The following UVRAG variants were observed in gnomAD, a reference collection of about 807,000 sequenced individuals.
The protein encoded by UVRAG is UV radiation resistance-associated gene protein.
A neutral mutation model predicts 78.0 loss-of-function variants in UVRAG; 19 were observed. That is an observed-to-expected ratio of 0.24 (90% CI 0.17 to 0.36). The LOEUF is 0.36. Among genes scored for constraint, UVRAG ranks in the 10% least tolerant of loss-of-function variants. The pLI is 1.00. For synonymous variants in UVRAG, 323 were observed against 324.6 expected, an observed-to-expected ratio of 1.00 and a Z score of 0.05; for missense variants, 740 against 853.8, an observed-to-expected ratio of 0.87 and a Z score of 1.66.
chr11:75,946,049 A>G (rs1386977722), intron 6 of UVRAG, among the ~76,000 whole-genome samples: 2 of 152,178 alleles, frequency 1.3e-5, no homozygotes, highest in Non-Finnish European at 2.9e-5. Context: ...TTTGAGCATT[A>G]TGAAGATAAT....
intron 1 of UVRAG, among the ~76,000 whole-genome samples, chr11:75,840,262 T>C (rs1274132141): frequency 6.6e-6 from 1 of 152,024 alleles, no homozygotes; most frequent in East Asian, 1.9e-4. Context: ...ACTCTGAAAT[T>C]AGGTAGTAAT....
At position 76,120,021 on chromosome 11, in the gene UVRAG, G is replaced by T. The variant is rs147705078; in HGVS notation, c.1397+4006G>T. Reference sequence around the variant, plus strand: ...TAAGCTCTTTCCTGTCTGAGTGGTTGCACTCACTCTTCCTCTGTGTAGAAT... The same window carrying T: ...TAAGCTCTTTCCTGTCTGAGTGGTTTCACTCACTCTTCCTCTGTGTAGAAT... On this transcript the variant is annotated intron_variant, in intron 14 of 14. Coordinates refer to ENST00000356136, the MANE Select transcript of UVRAG (RefSeq NM_003369.4). Among the ~76,000 whole-genome samples, 17 of 152,232 alleles carry T rather than the reference G, an allele frequency of 1.1e-4. No homozygotes were observed. The East Asian group carries it at 3.3e-3, about 29-fold the overall frequency.
At position 75,860,968 on chromosome 11, in the gene UVRAG, G is replaced by T. The variant is rs143659217; in HGVS notation, c.236-778G>T. Among the ~76,000 whole-genome samples, 765 of 152,152 alleles carry T rather than the reference G, an allele frequency of 5.0e-3. 6 individuals are homozygous for T. The highest frequency in any genetic ancestry group is 0.017 in the African/African-American group (721 of 41,494). ...ACCTAATTTTTGTATTTTTAGTAGA[G>T]ATGGGGTTTCATCCTGTTGGCCATA... On this transcript the variant is annotated intron_variant, in intron 2 of 14. Transcript: ENST00000356136.
intron 1 of UVRAG, among the ~76,000 whole-genome samples, chr11:75,835,563 C>G (rs1349482189): frequency 6.6e-6 from 1 of 151,794 alleles, no homozygotes; most frequent in Non-Finnish European, 1.5e-5. Context: ...CTGCAATGAT[C>G]AAATGAAATA....
intron 12 of UVRAG, among the ~76,000 whole-genome samples, chr11:76,059,828 C>G (rs751470191): frequency 2.6e-5 from 4 of 152,160 alleles, no homozygotes; most frequent in South Asian, 2.1e-4. Flanking sequence ...AGAAAGTATA[C>G]CGAGTTTGAG....
chr11:76,034,317 G>A (rs908178412), intron 12 of UVRAG, among the ~76,000 whole-genome samples: 5 of 151,852 alleles, frequency 3.3e-5, no homozygotes, highest in African/African-American at 1.2e-4. Flanking sequence ...TCAGCCTCCC[G>A]AATACCTGGG....
chr11:75,832,308 C>A (rs1399457806), intron 1 of UVRAG, among the ~76,000 whole-genome samples: 1 of 152,204 alleles, frequency 6.6e-6, no homozygotes, highest in Non-Finnish European at 1.5e-5. Flanking sequence ...ACGTCAGTCC[C>A]AAGTCCCGGT....
At chr11:76,088,128 A>G (rs7103027) in intron 13 of UVRAG, among the ~76,000 whole-genome samples, 1 of 152,000 alleles carries the variant, frequency 6.6e-6, no homozygotes, top group Non-Finnish European at 1.5e-5. Flanking sequence ...TCTCAAACTT[A>G]TGGGCTCAAG....
intron 1 of UVRAG, among the ~76,000 whole-genome samples, chr11:75,826,536 AG>A (rs757069926): frequency 6.6e-6 from 1 of 152,122 alleles, no homozygotes; most frequent in Non-Finnish European, 1.5e-5. Context: ...AATGGAGGAG[AG>A]GCTGTATTTT....
intron 14 of UVRAG, among the ~76,000 whole-genome samples, chr11:76,140,210 G>A (rs1440291375): frequency 6.7e-6 from 1 of 149,190 alleles, no homozygotes; most frequent in Non-Finnish European, 1.5e-5. Context: ...TGGCAAGGTT[G>A]TTGGTCATGA....
At chr11:76,046,973 A>G (rs1415802442) in intron 12 of UVRAG, among the ~76,000 whole-genome samples, 1 of 152,142 alleles carries the variant, frequency 6.6e-6, no homozygotes, top group Non-Finnish European at 1.5e-5. Context: ...ATTTTGATAA[A>G]AAAACATTGA....
intron 1 of UVRAG, among the ~76,000 whole-genome samples, chr11:75,828,756 TATATA>T (rs1945582829): frequency 2.3e-5 from 2 of 86,038 alleles, no homozygotes; most frequent in African/African-American, 1.1e-4. Context: ...TACACACACA[TATATA>T]TATATATATA....
At chr11:76,097,833 A>G (rs1243297839) in intron 13 of UVRAG, among the ~76,000 whole-genome samples, 1 of 152,144 alleles carries the variant, frequency 6.6e-6, no homozygotes, top group Non-Finnish European at 1.5e-5. Flanking sequence ...TCTGTTAAAC[A>G]TATATATGGA....
At chr11:75,941,515 G>A (rs1439072333) in intron 6 of UVRAG, among the ~76,000 whole-genome samples, 8 of 151,998 alleles carry the variant, frequency 5.3e-5, no homozygotes, top group African/African-American at 9.7e-5. Context: ...CTGGTTGAGC[G>A]TCTGAAATCC....
chr11:76,004,581 C>A (rs1475687237), intron 9 of UVRAG, among the ~76,000 whole-genome samples: 1 of 149,924 alleles, frequency 6.7e-6, no homozygotes, highest in Non-Finnish European at 1.5e-5. Context: ...TTTTTATCTT[C>A]TTTTTTTAAT....
chr11:75,973,954 A>T (rs891888553), intron 7 of UVRAG, among the ~76,000 whole-genome samples: 3 of 152,142 alleles, frequency 2.0e-5, no homozygotes, highest in African/African-American at 7.2e-5. Context: ...CCAGTCTATC[A>T]TTGATGGACA....
At chr11:76,138,811 A>G (rs1365680426) in intron 14 of UVRAG, among the ~76,000 whole-genome samples, 1 of 152,176 alleles carries the variant, frequency 6.6e-6, no homozygotes, top group Non-Finnish European at 1.5e-5. Flanking sequence ...CACAGAATAG[A>G]CTGTCTGAGG....
intron 6 of UVRAG, among the ~76,000 whole-genome samples, chr11:75,948,075 G>A (rs886336262): frequency 6.6e-6 from 1 of 152,078 alleles, no homozygotes; most frequent in Non-Finnish European, 1.5e-5. Context: ...GCCCTGAGCT[G>A]TTTTCAAGCA....
At chr11:76,015,102 A>T (rs774049633) in intron 11 of UVRAG, among the ~76,000 whole-genome samples, 51 of 152,078 alleles carry the variant, frequency 3.4e-4, no homozygotes, top group Non-Finnish European at 2.4e-4. Flanking sequence ...GTCATCGAGG[A>T]CTCTCAGACT....
Sources: gnomAD v4.1 joint callset for allele counts (sites outside exome capture counted in the v4.1 genomes callset) on GRCh38, gnomAD v4.1.1 for gene constraint, MANE v1.5 for transcripts, NCBI Gene and HGNC (gene_info 2026-07-23, HGNC 2026-07-21) for gene names.